AGTPBP1: variants seen among roughly 807,000 people sequenced by gnomAD.
AGTPBP1 encodes cytosolic carboxypeptidase 1.
In AGTPBP1, 70 loss-of-function variants were observed where a neutral mutation model predicts 143.9. The observed-to-expected ratio is 0.49, with a 90% CI of 0.40 to 0.59. The LOEUF (loss-of-function observed/expected upper bound fraction) is 0.59. Ranked by LOEUF, AGTPBP1 falls within the 20% of genes least tolerant of loss-of-function variation. AGTPBP1 has a pLI of 0.00. For synonymous variants in AGTPBP1, 463 were observed against 500.2 expected (o/e 0.93, Z 0.99); for missense variants, 1,229 against 1,464.5 (o/e 0.84, Z 2.62).
rs867266078 is a variant in AGTPBP1 at position 85,616,479 on chromosome 9, T to C, written c.2335+2504A>G. On this transcript the variant is annotated intron_variant, in intron 17 of 25. Coordinates refer to ENST00000357081, the MANE Select transcript of AGTPBP1 (RefSeq NM_001330701.2). The stretch of plus-strand genomic sequence containing the variant: ...TAATTTAAAATGTTATAGTTTTTAA[T>C]AAAGTTTAAAGTGTTAAGAGTTCTA... Among the ~76,000 whole-genome samples the C allele has an allele frequency of 1.5e-4, 23 of 152,110 alleles. 1 individual carries two copies. The highest frequency in any genetic ancestry group is 3.4e-3 in the Middle Eastern group (1 of 292).
intron 13 of AGTPBP1, among the ~76,000 whole-genome samples, chr9:85,639,367 G>GCGCGCGCACA (rs1554713133): frequency 6.8e-6 from 1 of 147,232 alleles, no homozygotes; most frequent in African/African-American, 2.5e-5. Flanking sequence ...GCGCGCACGC[G>GCGCGCGCACA]CACACACACA....
At chr9:85,720,911 A>G (rs1357574788) in intron 1 of AGTPBP1, among the ~76,000 whole-genome samples, 1 of 152,134 alleles carries the variant, frequency 6.6e-6, no homozygotes, top group Non-Finnish European at 1.5e-5. Context: ...CTCTGCCTTC[A>G]TTCCGTTATG....
At chr9:85,739,946 T>A (rs1322552602) in intron 1 of AGTPBP1, among the ~76,000 whole-genome samples, 2 of 148,868 alleles carry the variant, frequency 1.3e-5, no homozygotes, top group Non-Finnish European at 3.0e-5. Flanking sequence ...CAGGTTGCAG[T>A]GAGCCGAGAT....
At chr9:85,592,216 G>T (rs938723732) in intron 19 of AGTPBP1, among the ~76,000 whole-genome samples, 1 of 151,548 alleles carries the variant, frequency 6.6e-6, no homozygotes, top group Non-Finnish European at 1.5e-5. Context: ...GAGAACTGTG[G>T]ATTTCAACAA....
At chr9:85,767,531 A>G in the AGTPBP1 span, among the ~76,000 whole-genome samples, 1 of 152,048 alleles carries the variant, frequency 6.6e-6, no homozygotes, top group Non-Finnish European at 1.5e-5. Context: ...GTATTTTAGT[A>G]GAGATGGGGT....
At chr9:85,714,299 A>C (rs1207704181) in intron 1 of AGTPBP1, among the ~76,000 whole-genome samples, 1 of 152,226 alleles carries the variant, frequency 6.6e-6, no homozygotes, top group Non-Finnish European at 1.5e-5. Flanking sequence ...TCAGTGCCTC[A>C]GTTGCCAGTG....
At chr9:85,665,332 A>G (rs1834069725) in intron 8 of AGTPBP1, among the ~76,000 whole-genome samples, 1 of 152,144 alleles carries the variant, frequency 6.6e-6, no homozygotes, top group South Asian at 2.1e-4. Flanking sequence ...AACACCAAAG[A>G]TTGCCAGCAA....
chr9:85,791,742 T>C, the AGTPBP1 span, among the ~76,000 whole-genome samples: 1 of 152,194 alleles, frequency 6.6e-6, no homozygotes, highest in Non-Finnish European at 1.5e-5. Context: ...TTTTTTATAC[T>C]GGTTTTTATT....
chr9:85,801,894 C>T, the AGTPBP1 span, among the ~76,000 whole-genome samples: 30 of 150,560 alleles, frequency 2.0e-4, no homozygotes, highest in South Asian at 8.4e-4. Flanking sequence ...TACAACACTA[C>T]TGTGGAATCA....
intron 2 of AGTPBP1, among the ~76,000 whole-genome samples, chr9:85,705,845 C>T (rs368926738): frequency 1.6e-4 from 24 of 151,916 alleles, no homozygotes; most frequent in Non-Finnish European, 2.6e-4. Context: ...TGCCCACCAC[C>T]GCACCCAGCT....
chr9:85,775,356 A>G, the AGTPBP1 span, among the ~76,000 whole-genome samples: 2 of 151,692 alleles, frequency 1.3e-5, no homozygotes, highest in African/African-American at 4.8e-5. Context: ...CAAATTGTTC[A>G]TAACAAAGTT....
chr9:85,647,488 T>C (rs540238183), intron 11 of AGTPBP1, among the ~76,000 whole-genome samples: 29 of 150,980 alleles, frequency 1.9e-4, no homozygotes, highest in African/African-American at 3.9e-4. Context: ...CAAAATACTA[T>C]GGGAAAATGA....
chr9:85,667,300 T>C (rs528310477), intron 8 of AGTPBP1, among the ~76,000 whole-genome samples: 1 of 152,232 alleles, frequency 6.6e-6, no homozygotes, highest in African/African-American at 2.4e-5. Context: ...TATTTTAAAA[T>C]ATTTGACCCT....
At chr9:85,560,835 G>A (rs1188661950) in intron 25 of AGTPBP1, among the ~76,000 whole-genome samples, 3 of 152,118 alleles carry the variant, frequency 2.0e-5, no homozygotes, top group African/African-American at 7.2e-5. Flanking sequence ...AAAAGACACA[G>A]AGGATATAGT....
intron 17 of AGTPBP1, 78 bp downstream of exon 17, chr9:85,618,905 C>T (rs2045179050): frequency 1.4e-6 from 2 of 1,449,702 alleles, no homozygotes; most frequent in African/African-American, 1.4e-5. Flanking sequence ...TAAAAGTTGA[C>T]AATTTTTTTA....
intron 10 of AGTPBP1, 45 bp from the exon 11 acceptor site, chr9:85,655,365 T>C (rs1833431787): frequency 1.4e-6 from 2 of 1,436,198 alleles, no homozygotes; most frequent in Admixed American, 2.9e-5. Context: ...TTTTGATGAA[T>C]AACTGAACCA....
At position 85,632,816 on chromosome 9, in the gene AGTPBP1, C is replaced by T. The variant is rs1447434268; in HGVS notation, c.1861G>A (p.Gly621Arg). 1 of 1,614,120 alleles carries T rather than the reference C, an allele frequency of 6.2e-7. No individual in the cohort carries two copies. Among genetic ancestry groups the T allele is most frequent in the Admixed American group, 1.7e-5 (1 of 60,004 alleles). The change falls in exon 14 of 26, where the codon GGA becomes AGA. Residue 621 changes from glycine to arginine, a missense_variant. This residue lies in a region of AGTPBP1 where 743 missense variants were observed against 812.2 expected (regional missense o/e 0.91). Coordinates refer to ENST00000357081, the MANE Select transcript of AGTPBP1 (RefSeq NM_001330701.2). Reference sequence around the variant, plus strand: ...AGGTCTGGGTCATGGAGTGTTGGTCCATCAGGTACTTCAACCGATGCTTGT... The same window carrying T: ...AGGTCTGGGTCATGGAGTGTTGGTCTATCAGGTACTTCAACCGATGCTTGT... ...VEQASVEVPDGPTLHDPDLYI... is the reference protein window; with the variant it reads ...VEQASVEVPDRPTLHDPDLYI...
chr9:85,672,521 A>C, intron 7 of AGTPBP1, 29 bp downstream of exon 7: 1 of 1,601,112 alleles, frequency 6.2e-7, no homozygotes, highest in Non-Finnish European at 8.5e-7. Context: ...TACAACACTG[A>C]GTTAACTAAA....
At chr9:85,595,448 C>T (rs1391213339) in intron 18 of AGTPBP1, among the ~76,000 whole-genome samples, 1 of 152,176 alleles carries the variant, frequency 6.6e-6, no homozygotes, top group Non-Finnish European at 1.5e-5. Flanking sequence ...TGAGAATCCT[C>T]GAGTACTTAG....
Sources: allele counts gnomAD v4.1 joint callset (sites outside exome capture counted in the v4.1 genomes callset), GRCh38; gene constraint gnomAD v4.1.1; regional missense constraint gnomAD v4.1.1; transcripts MANE v1.5; gene names NCBI Gene and HGNC (gene_info 2026-07-23, HGNC 2026-07-21).